The following HTR1F variants were observed in gnomAD, a reference collection of about 807,000 sequenced individuals.
HTR1F encodes the protein 5-hydroxytryptamine (serotonin) receptor 1F, G protein-coupled.
In HTR1F, 17 loss-of-function variants were observed where a neutral mutation model predicts 24.0. The ratio of observed to expected loss-of-function variants is 0.71; its 90% CI spans 0.48 to 1.06. The LOEUF (loss-of-function observed/expected upper bound fraction) is 1.06, where lower values mean the gene tolerates loss of function less well. HTR1F is among the 50% of genes least tolerant of loss of function. The probability of loss-of-function intolerance (pLI) is 0.00; values close to 1 mark genes in which losing one functional copy is unlikely to be tolerated. For synonymous variants in HTR1F, 186 were observed against 156.8 expected (o/e 1.19, Z -1.39); for missense variants, 391 against 427.8 (o/e 0.91, Z 0.76).
chr3:87,971,395 C>T (rs1437324559), intron 2 of HTR1F, among the ~76,000 whole-genome samples: 1 of 151,820 alleles, frequency 6.6e-6, no homozygotes, highest in East Asian at 1.9e-4. Context: ...TGATAAAACC[C>T]CGTTTCTACA....
chr3:87,984,704 C>A (rs1362611932), intron 2 of HTR1F, among the ~76,000 whole-genome samples: 1 of 152,102 alleles, frequency 6.6e-6, no homozygotes, highest in Non-Finnish European at 1.5e-5. Context: ...TCAGGCCACC[C>A]ACCTTGGCCT....
At chr3:87,879,444 T>C (rs1575978773) in intron 2 of HTR1F, among the ~76,000 whole-genome samples, 1 of 152,220 alleles carries the variant, frequency 6.6e-6, no homozygotes, top group Non-Finnish European at 1.5e-5. Flanking sequence ...AGGTTCCTTA[T>C]GTGTGAAATC....
intron 2 of HTR1F, among the ~76,000 whole-genome samples, chr3:87,962,497 T>C (rs1049078474): frequency 6.6e-6 from 1 of 152,008 alleles, no homozygotes; most frequent in African/African-American, 2.4e-5. Context: ...TAAGTCAACA[T>C]GTGAGAATTG....
chr3:87,929,902 T>C (rs1576045372), intron 2 of HTR1F, among the ~76,000 whole-genome samples: 1 of 152,184 alleles, frequency 6.6e-6, no homozygotes, highest in Admixed American at 6.6e-5. Context: ...GTATGGCCAG[T>C]TTAATAATAC....
chr3:87,937,413 T>A (rs1704451799), intron 2 of HTR1F, among the ~76,000 whole-genome samples: 1 of 152,162 alleles, frequency 6.6e-6, no homozygotes, highest in Admixed American at 6.5e-5. Context: ...TTGATAAAAT[T>A]CGACATTCCT....
chr3:87,939,257 C>T (rs563324361), intron 2 of HTR1F, among the ~76,000 whole-genome samples: 27 of 152,106 alleles, frequency 1.8e-4, no homozygotes, highest in Non-Finnish European at 3.2e-4. Flanking sequence ...TTTTGATGTG[C>T]TACTGGATTT....
intron 2 of HTR1F, among the ~76,000 whole-genome samples, chr3:87,861,445 G>C (rs1221066307): frequency 6.6e-6 from 1 of 152,018 alleles, no homozygotes; most frequent in Non-Finnish European, 1.5e-5. Flanking sequence ...TCAATTAGAA[G>C]AACAAAATCA....
At chr3:87,867,975 T>C (rs1705464973) in intron 2 of HTR1F, among the ~76,000 whole-genome samples, 1 of 152,130 alleles carries the variant, frequency 6.6e-6, no homozygotes, top group South Asian at 2.1e-4. Context: ...ACAGAAATGA[T>C]TTAACTATGG....
chr3:87,919,294 C>G (rs1178209003), intron 2 of HTR1F, among the ~76,000 whole-genome samples: 1 of 151,788 alleles, frequency 6.6e-6, no homozygotes, highest in Non-Finnish European at 1.5e-5. Flanking sequence ...TGGAAAACCC[C>G]TTCTAGACAA....
Position 87,845,373 on chromosome 3 carries a change from A to C in HTR1F, c.-43+23249A>C, listed in dbSNP as rs560434526. Among the ~76,000 whole-genome samples, 310 of 151,582 alleles carry C rather than the reference A, an allele frequency of 2.0e-3. 3 individuals carry two copies. Among genetic ancestry groups the C allele is most frequent in the Non-Finnish European group, 1.1e-3 (75 of 67,978 alleles). The stretch of plus-strand genomic sequence containing the variant: ...CAAAATCTCCTTAAGCTGATAAGCA[A>C]CTTCAGCAAAGTCTCAGGATACAAA... On this transcript the variant is annotated intron_variant, in intron 2 of 2. Coordinates refer to ENST00000319595, the MANE Select transcript of HTR1F (RefSeq NM_001322209.2).
At chr3:87,890,218 A>T (rs1391089186) in intron 2 of HTR1F, among the ~76,000 whole-genome samples, 1 of 152,214 alleles carries the variant, frequency 6.6e-6, no homozygotes. Context: ...AAAATAATTC[A>T]AAATGATATT....
chr3:87,958,335 G>A (rs1704989001), intron 2 of HTR1F, among the ~76,000 whole-genome samples: 1 of 151,068 alleles, frequency 6.6e-6, no homozygotes. Context: ...TTATTTTCTG[G>A]TCTAATTGTT....
At chr3:87,965,370 C>T (rs969101981) in intron 2 of HTR1F, among the ~76,000 whole-genome samples, 2 of 152,088 alleles carry the variant, frequency 1.3e-5, no homozygotes, top group African/African-American at 4.8e-5. Flanking sequence ...ATACACATCT[C>T]CTATCATTTT....
rs201728270 is a variant in HTR1F, at chr3:87,991,571, T to A, written c.822T>A (p.His274Gln). The A allele has an allele frequency of 6.2e-7, 1 of 1,613,980 alleles. No homozygotes were observed. The highest frequency in any genetic ancestry group is 1.1e-5 in the South Asian group (1 of 91,086). The change falls in exon 3 of 3, where the codon CAT becomes CAA. Residue 274 changes from histidine (H) to glutamine (Q), a missense_variant. Transcript: ENST00000319595. ...TVRSLRSEFKHEKSWRRQKIS... is the reference protein window; with the variant it reads ...TVRSLRSEFKQEKSWRRQKIS... ...GAAGTCTCAGGTCTGAATTCAAGCA[T>A]GAGAAATCTTGGAGAAGGCAAAAGA...
intron 2 of HTR1F, among the ~76,000 whole-genome samples, chr3:87,891,996 T>C: frequency 6.6e-6 from 1 of 152,154 alleles, no homozygotes; most frequent in Non-Finnish European, 1.5e-5. Context: ...TTCCACATAG[T>C]AGTATCTTCT....
intron 1 of HTR1F, among the ~76,000 whole-genome samples, chr3:87,812,162 C>T (rs1172579213): frequency 6.6e-6 from 1 of 151,978 alleles, no homozygotes; most frequent in Non-Finnish European, 1.5e-5. Context: ...TGGGGTACTG[C>T]TAGAAAGATA....
chr3:87,914,103 A>T (rs1421116772), intron 2 of HTR1F, among the ~76,000 whole-genome samples: 1 of 152,114 alleles, frequency 6.6e-6, no homozygotes. Context: ...GAAGGCCTAC[A>T]TTACAAGGGA....
intron 2 of HTR1F, among the ~76,000 whole-genome samples, chr3:87,976,017 G>A (rs1386739672): frequency 6.6e-6 from 1 of 152,166 alleles, no homozygotes; most frequent in Non-Finnish European, 1.5e-5. Flanking sequence ...ATAAATGTCA[G>A]TATTAATCAT....
chr3:87,953,617 C>T (rs1332794636), intron 2 of HTR1F, among the ~76,000 whole-genome samples: 2 of 151,274 alleles, frequency 1.3e-5, no homozygotes, highest in South Asian at 2.1e-4. Context: ...CATTATGGAA[C>T]GCAGTGGGAG....
Sources: allele counts gnomAD v4.1 joint callset (sites outside exome capture counted in the v4.1 genomes callset), GRCh38; gene constraint gnomAD v4.1.1; transcripts MANE v1.5; gene names NCBI Gene and HGNC (gene_info 2026-07-23, HGNC 2026-07-21).